The following ATF7 variants were observed in gnomAD, a reference collection of about 807,000 sequenced individuals.
ATF7 encodes activating transcription factor 7, also known as cyclic AMP-dependent transcription factor ATF-7.
In ATF7, 10 loss-of-function variants were observed where a neutral mutation model predicts 50.4. The ratio of observed to expected loss-of-function variants is 0.20; its 90% confidence interval spans 0.12 to 0.34. The LOEUF is 0.34. Ranked by LOEUF, ATF7 falls within the 10% of genes least tolerant of loss-of-function variation. The pLI, the probability that ATF7 is intolerant of heterozygous loss-of-function variation, is 1.00. For synonymous variants in ATF7, 201 were observed against 226.4 expected (o/e 0.89, Z 1.01); for missense variants, 465 against 613.9 (o/e 0.76, Z 2.56).
In ATF7 at chr12:53,540,352, C is replaced by CAA. The variant is rs575991616; in HGVS notation, c.265-2802_265-2801dup. The stretch of plus-strand genomic sequence containing the variant: ...TGGATGACAGAGTGAGACTCCGTCT[C>CAA]AAAAAAAAAAAAAAAGAAAAAAAAG... On this transcript the variant is annotated intron_variant, in intron 4 of 11. Transcript: ENST00000420353. Among the ~76,000 whole-genome samples, 592 of 78,556 alleles carry CAA rather than the reference C, an allele frequency of 7.5e-3. 5 individuals carry two copies. The highest frequency in any genetic ancestry group is 0.023 in the African/African-American group (560 of 24,380). 51.5% of individuals were successfully genotyped at this position (78,556 alleles called of 152,430 possible).
At chr12:53,544,678 G>A (rs529878662) in intron 3 of ATF7, among the ~76,000 whole-genome samples, 1 of 152,104 alleles carries the variant, frequency 6.6e-6, no homozygotes, top group Non-Finnish European at 1.5e-5. Flanking sequence ...AACCCAGGAG[G>A]TGGAGGTTGC....
intron 4 of ATF7, among the ~76,000 whole-genome samples, chr12:53,540,335 AGAGT>A (rs1294021369): frequency 6.7e-6 from 1 of 150,344 alleles, no homozygotes; most frequent in African/African-American, 2.5e-5. Context: ...CCTGGATGAC[AGAGT>A]GAGACTCCGT....
At chr12:53,540,956 C>T (rs1939517636) in intron 4 of ATF7, among the ~76,000 whole-genome samples, 1 of 152,076 alleles carries the variant, frequency 6.6e-6, no homozygotes, top group South Asian at 2.1e-4. Flanking sequence ...GTCTCGAGCT[C>T]CTGAGTTCCA....
At chr12:53,591,640 T>C (rs934617137) in intron 2 of ATF7, among the ~76,000 whole-genome samples, 2 of 152,192 alleles carry the variant, frequency 1.3e-5, no homozygotes, top group African/African-American at 4.8e-5. Flanking sequence ...TTATAGTGGA[T>C]TGAGCTATTT....
At chr12:53,517,538 G>A (rs1297532293) in intron 11 of ATF7, 184 bp from the exon 12 acceptor site, 3 of 619,050 alleles carry the variant, frequency 4.8e-6, no homozygotes, top group Non-Finnish European at 5.6e-6. Context: ...GAAATGGGAA[G>A]TTGTAAGAAG....
intron 4 of ATF7, among the ~76,000 whole-genome samples, chr12:53,540,452 G>A (rs1286267414): frequency 6.6e-6 from 1 of 151,588 alleles, no homozygotes; most frequent in Non-Finnish European, 1.5e-5. Flanking sequence ...GGCCAGGCGC[G>A]GTGGCTCACG....
intron 2 of ATF7, among the ~76,000 whole-genome samples, chr12:53,572,735 C>T (rs182437827): frequency 3.4e-4 from 52 of 151,984 alleles, no homozygotes; most frequent in Non-Finnish European, 6.6e-4. Flanking sequence ...CCGCTTGAGC[C>T]CAGGAGTTCG....
chr12:53,598,680 T>C (rs1314538850), intron 2 of ATF7, among the ~76,000 whole-genome samples: 1 of 152,248 alleles, frequency 6.6e-6, no homozygotes, highest in Non-Finnish European at 1.5e-5. Flanking sequence ...TTTCAGTGGA[T>C]ACTACTCTTT....
At chr12:53,596,917 A>G (rs1040533564) in intron 2 of ATF7, among the ~76,000 whole-genome samples, 3 of 152,228 alleles carry the variant, frequency 2.0e-5, no homozygotes, top group Middle Eastern at 3.2e-3. Flanking sequence ...AAATTCAACC[A>G]GTCCTCTGCC....
At chr12:53,594,875 G>A (rs1190668319) in intron 2 of ATF7, among the ~76,000 whole-genome samples, 6 of 146,242 alleles carry the variant, frequency 4.1e-5, no homozygotes, top group Admixed American at 1.4e-4. Flanking sequence ...GTGACAGAGC[G>A]AGACCCCATC....
At chr12:53,583,923 T>C (rs915342169) in intron 2 of ATF7, among the ~76,000 whole-genome samples, 3 of 152,168 alleles carry the variant, frequency 2.0e-5, no homozygotes, top group African/African-American at 4.8e-5. Context: ...AAAATACAGA[T>C]GGCAAATAAG....
At chr12:53,551,622 G>A (rs1380973119) in intron 3 of ATF7, among the ~76,000 whole-genome samples, 2 of 152,228 alleles carry the variant, frequency 1.3e-5, no homozygotes, top group African/African-American at 4.8e-5. Context: ...GGTCTGTAAA[G>A]GCAAGTGGTA....
Position 53,516,995 on chromosome 12 carries a change from CAT to C in ATF7, c.*140_*141del, listed in dbSNP as rs1421986634. ...ACATGACCACATGGCTAAAAAGCCCCATATCTGTCCATTACTCACAACACACA... is the reference window on the plus strand; with the variant it reads ...ACATGACCACATGGCTAAAAAGCCCCATCTGTCCATTACTCACAACACACA... On this transcript the variant is annotated 3_prime_UTR_variant, in exon 12 of 12. Coordinates refer to ENST00000420353, the MANE Select transcript of ATF7 (RefSeq NM_006856.3). 1 of 932,252 alleles carries C rather than the reference CAT, an allele frequency of 1.1e-6. No individual in the cohort carries two copies. Among genetic ancestry groups the C allele is most frequent in the Non-Finnish European group, 1.6e-6 (1 of 614,702 alleles). The allele number at this position is 932,252 out of a possible 1,614,324, so 57.7% of individuals were successfully genotyped here. A position where few individuals can be genotyped will look rare whatever the true frequency, so the allele number is the denominator to read the frequency against.
In ATF7 at chr12:53,542,566, ACAGG is replaced by A. The variant is rs1939640857; in HGVS notation, c.264+760_264+763del. Among the ~76,000 whole-genome samples, 3 of 152,308 alleles carry A rather than the reference ACAGG, an allele frequency of 2.0e-5. No individual in the cohort carries two copies. In the South Asian group the frequency reaches 6.2e-4, roughly 32 times the overall value. On this transcript the variant is annotated intron_variant, in intron 4 of 11. Coordinates refer to ENST00000420353, the MANE Select transcript of ATF7 (RefSeq NM_006856.3). ...TTCAGCCTCCCGAGTAGCTAGGACT[ACAGG>A]CATGCACCACCATGCCTGATCAATC...
Position 53,512,484 on chromosome 12 carries a change from A to G in ATF7, c.*4653T>C, listed in dbSNP as rs1181740823. 6.6e-6 allele frequency: 1 copy of G among 152,206 alleles called. No homozygotes were observed. The highest frequency in any genetic ancestry group is 1.5e-5 in the Non-Finnish European group (1 of 68,046). 9.4% of individuals were successfully genotyped at this position (152,206 alleles called of 1,614,324 possible). ...ATAGATACACACTGCTTCCTTTTCA[A>G]TAGATACTATGTTAGGATGTGGCAG... On this transcript the variant is annotated 3_prime_UTR_variant, in exon 12 of 12. Transcript: ENST00000420353.
chr12:53,610,950 T>G (rs1342584521), intron 1 of ATF7, among the ~76,000 whole-genome samples: 2 of 151,916 alleles, frequency 1.3e-5, no homozygotes, highest in Admixed American at 6.6e-5. Context: ...TCTCGGCCTC[T>G]TGAGTAGCTG....
At chr12:53,602,857 A>G (rs1200698941) in intron 1 of ATF7, among the ~76,000 whole-genome samples, 1 of 152,224 alleles carries the variant, frequency 6.6e-6, no homozygotes, top group Non-Finnish European at 1.5e-5. Context: ...CAAAAAATAA[A>G]TACAAGTAAA....
intron 2 of ATF7, among the ~76,000 whole-genome samples, chr12:53,561,445 G>T (rs1592874205): frequency 1.3e-5 from 2 of 150,732 alleles, no homozygotes; most frequent in East Asian, 3.9e-4. Context: ...TCTTTTTTTT[G>T]AACACTATTT....
At chr12:53,609,407 G>C (rs1943749197) in intron 1 of ATF7, among the ~76,000 whole-genome samples, 1 of 150,918 alleles carries the variant, frequency 6.6e-6, no homozygotes, top group Non-Finnish European at 1.5e-5. Context: ...GCCCGCCTCA[G>C]CCTCCCAAAG....
Sources: gnomAD v4.1 joint callset for allele counts (sites outside exome capture counted in the v4.1 genomes callset) on GRCh38, gnomAD v4.1.1 for gene constraint, MANE v1.5 for transcripts, NCBI Gene and HGNC (gene_info 2026-07-23, HGNC 2026-07-21) for gene names.